Variants in NRG3 observed in about 807,000 individuals in gnomAD.
The protein encoded by NRG3 is pro-neuregulin-3, membrane-bound isoform.
A neutral mutation model predicts 66.9 loss-of-function variants in NRG3; 31 were observed. The ratio of observed to expected loss-of-function variants is 0.46; its 90% CI spans 0.35 to 0.63. The LOEUF is 0.63. NRG3 is among the 20% of genes least tolerant of loss of function. NRG3 has a pLI of 0.00. For missense variants in NRG3, 910 were observed against 878.9 expected (o/e 1.04, Z -0.45); for synonymous variants, 393 against 359.4 (o/e 1.09, Z -1.06).
chr10:82,149,533 A>T (rs1462932698), intron 1 of NRG3, among the ~76,000 whole-genome samples: 1 of 152,094 alleles, frequency 6.6e-6, no homozygotes, highest in Non-Finnish European at 1.5e-5. Flanking sequence ...CGTTTCTTGG[A>T]TGTAGAAAAA....
intron 5 of NRG3, among the ~76,000 whole-genome samples, chr10:82,958,525 T>G (rs1461228758): frequency 6.6e-6 from 1 of 152,214 alleles, no homozygotes; most frequent in Non-Finnish European, 1.5e-5. Context: ...GCAATTAAGC[T>G]AAACATATTT....
At chr10:82,923,692 T>G (rs969391282) in intron 4 of NRG3, among the ~76,000 whole-genome samples, 7 of 151,424 alleles carry the variant, frequency 4.6e-5, no homozygotes, top group Non-Finnish European at 7.4e-5. Flanking sequence ...GCAATTAGCA[T>G]TAGGAAAGCT....
At chr10:82,501,547 G>A (rs779693235) in intron 2 of NRG3, among the ~76,000 whole-genome samples, 17 of 152,018 alleles carry the variant, frequency 1.1e-4, no homozygotes, top group Admixed American at 7.2e-4. Context: ...TGGTCCCTTC[G>A]TTCCATTCCC....
At chr10:82,269,934 G>A (rs1007817906) in intron 1 of NRG3, among the ~76,000 whole-genome samples, 2 of 152,120 alleles carry the variant, frequency 1.3e-5, no homozygotes, top group African/African-American at 4.8e-5. Context: ...TGTGCTTCAT[G>A]TATGAATCTT....
In NRG3 at chr10:81,875,943, C is replaced by T; in HGVS notation, c.603C>T (p.Phe201=). The T allele has an allele frequency of 1.2e-6, 2 of 1,613,864 alleles. No homozygotes were observed. Among genetic ancestry groups the T allele is most frequent in the Non-Finnish European group, 1.7e-6 (2 of 1,180,024 alleles). ...ATVPSTTAPF[F]SSSTLGSRPP... is the part of the protein sequence containing the mutation. The stretch of plus-strand genomic sequence containing the variant: ...TCCCGTCCACCACGGCCCCGTTCTT[C>T]AGTAGCAGCACGCTGGGCTCCCGAC... The change falls in exon 1 of 9, where the codon TTC becomes TTT. Residue 201 remains phenylalanine, a synonymous_variant. Coordinates refer to ENST00000372141, the MANE Select transcript of NRG3 (RefSeq NM_001010848.4). The surrounding 1 kb of genome is among the most constrained non-coding windows in gnomAD (Gnocchi z 5.3).
chr10:82,767,527 G>A (rs537182212), intron 3 of NRG3, among the ~76,000 whole-genome samples: 1 of 151,798 alleles, frequency 6.6e-6, no homozygotes, highest in African/African-American at 2.4e-5. Context: ...ATTATGGTCT[G>A]GATAGTTTTC....
At chr10:82,721,076 A>G (rs1431535111) in intron 2 of NRG3, among the ~76,000 whole-genome samples, 1 of 82,822 alleles carries the variant, frequency 1.2e-5, no homozygotes. Context: ...ATTTTTATTT[A>G]TTTGTTTTTG....
intron 2 of NRG3, among the ~76,000 whole-genome samples, chr10:82,504,530 A>ACCTTATC (rs1450134084): frequency 3.3e-5 from 5 of 152,220 alleles, no homozygotes; most frequent in African/African-American, 1.2e-4. Context: ...CCCTAAGGGC[A>ACCTTATC]AATTGATAAT....
chr10:82,216,225 C>G (rs539354338), intron 1 of NRG3, among the ~76,000 whole-genome samples: 2 of 151,786 alleles, frequency 1.3e-5, no homozygotes, highest in Non-Finnish European at 2.9e-5. Context: ...AGGTGATCCA[C>G]CTGCCTCGGC....
chr10:82,166,729 C>G, intron 1 of NRG3: 1 of 646,876 alleles, frequency 1.5e-6, no homozygotes. Flanking sequence ...TTGTTTAGAT[C>G]AATATAATCA....
chr10:82,051,749 A>T (rs993135504), intron 1 of NRG3, among the ~76,000 whole-genome samples: 2 of 152,158 alleles, frequency 1.3e-5, no homozygotes, highest in African/African-American at 4.8e-5. Context: ...TGCTTGTCAT[A>T]ATGAGAGGAC....
chr10:82,422,388 T>G (rs2089145250), intron 2 of NRG3, among the ~76,000 whole-genome samples: 1 of 152,078 alleles, frequency 6.6e-6, no homozygotes, highest in South Asian at 2.1e-4. Context: ...AAGAATGGAA[T>G]CTAATGTGCA....
chr10:82,555,478 C>CT (rs1209944192), intron 2 of NRG3, among the ~76,000 whole-genome samples: 3 of 152,092 alleles, frequency 2.0e-5, no homozygotes, highest in African/African-American at 4.8e-5. Context: ...CATAGAGCTT[C>CT]TTTTTTTCCT....
At chr10:82,342,263 C>A (rs771226393) in intron 1 of NRG3, among the ~76,000 whole-genome samples, 1 of 151,876 alleles carries the variant, frequency 6.6e-6, no homozygotes, top group African/African-American at 2.4e-5. Context: ...ATAATGATTT[C>A]TTTCCCATTG....
chr10:82,064,093 G>A (rs1258534064), intron 1 of NRG3, among the ~76,000 whole-genome samples: 1 of 152,144 alleles, frequency 6.6e-6, no homozygotes, highest in East Asian at 1.9e-4. Flanking sequence ...AACTTTTAAA[G>A]ATAGGGAAAC....
chr10:81,970,769 G>A (rs1161594884), intron 1 of NRG3, among the ~76,000 whole-genome samples: 1 of 152,056 alleles, frequency 6.6e-6, no homozygotes, highest in Non-Finnish European at 1.5e-5. Flanking sequence ...TTCTATCCAG[G>A]GGAGATTTAG....
At chr10:82,856,229 T>C (rs564375850) in intron 3 of NRG3, among the ~76,000 whole-genome samples, 2 of 152,184 alleles carry the variant, frequency 1.3e-5, no homozygotes, top group Admixed American at 6.5e-5. Context: ...TAAATACATA[T>C]TGAGTGTCCA....
At chr10:82,948,802 G>C (rs766670760) in intron 4 of NRG3, among the ~76,000 whole-genome samples, 11 of 151,988 alleles carry the variant, frequency 7.2e-5, no homozygotes, top group Non-Finnish European at 1.3e-4. Flanking sequence ...ATTATACTAG[G>C]TCTTCTGTAG....
chr10:82,698,535 G>T (rs893812011), intron 2 of NRG3, among the ~76,000 whole-genome samples: 1 of 152,006 alleles, frequency 6.6e-6, no homozygotes, highest in African/African-American at 2.4e-5. Flanking sequence ...ATTGATCTAC[G>T]TAAGCCCTAT....
Sources: gnomAD v4.1 joint callset for allele counts (sites outside exome capture counted in the v4.1 genomes callset) on GRCh38, gnomAD v4.1.1 for gene constraint, Gnocchi (gnomAD v3.1) non-coding constraint, MANE v1.5 for transcripts, NCBI Gene and HGNC (gene_info 2026-07-23, HGNC 2026-07-21) for gene names.